RGPD2: variants seen among roughly 807,000 people sequenced by gnomAD.
The protein encoded by RGPD2 is RANBP2 like and GRIP domain containing 2, also known as RANBP2-like and GRIP domain-containing protein 2.
Under a neutral mutation model 36.0 loss-of-function variants are expected in RGPD2, and 2 were observed. That is an observed-to-expected ratio of 0.06 (90% confidence interval 0.02 to 0.17). The LOEUF is 0.17. Ranked by LOEUF, RGPD2 falls within the 10% of genes least tolerant of loss-of-function variation. RGPD2 has a pLI of 1.00. For synonymous variants in RGPD2, 19 were observed against 163.8 expected (o/e 0.12, Z 6.75); for missense variants, 40 against 464.3 (o/e 0.09, Z 8.40).
the RGPD2 span, among the ~76,000 whole-genome samples, chr2:87,856,766 C>G: frequency 1.3e-5 from 2 of 152,164 alleles, no homozygotes; most frequent in Non-Finnish European, 2.9e-5. Flanking sequence ...TACCAGATAG[C>G]TATGTATACT....
the RGPD2 span, among the ~76,000 whole-genome samples, chr2:87,880,349 C>T: frequency 6.9e-6 from 1 of 143,980 alleles, no homozygotes; most frequent in Admixed American, 6.9e-5. Context: ...GTTTTTGTTG[C>T]TCAAACTTTT....
the RGPD2 span, chr2:87,972,654 G>T: frequency 1.4e-6 from 2 of 1,460,288 alleles, no homozygotes; most frequent in Middle Eastern, 4.8e-4. Context: ...GTAGGTGGAG[G>T]TATGGCTCGG....
intron 22 of RGPD2, among the ~76,000 whole-genome samples, chr2:87,762,518 G>C (rs1684919026): frequency 7.5e-6 from 1 of 132,722 alleles, no homozygotes; most frequent in Admixed American, 7.2e-5. Flanking sequence ...TCCAGCCTGG[G>C]AAACAGCGAG....
intron 22 of RGPD2, among the ~76,000 whole-genome samples, chr2:87,763,281 C>T (rs1476936497): frequency 6.7e-6 from 1 of 148,740 alleles, no homozygotes; most frequent in African/African-American, 2.5e-5. Context: ...CCTCAGCCTC[C>T]CTAGTAGCTG....
the RGPD2 span, among the ~76,000 whole-genome samples, chr2:87,857,579 T>G: frequency 7.0e-6 from 1 of 141,874 alleles, no homozygotes; most frequent in African/African-American, 2.6e-5. Context: ...CCTGACCTTG[T>G]GATCCGCCCG....
chr2:87,864,374 C>G, the RGPD2 span, among the ~76,000 whole-genome samples: 1 of 152,268 alleles, frequency 6.6e-6, no homozygotes, highest in Admixed American at 6.5e-5. Context: ...AGTGGTTCCT[C>G]TGGTCACTGG....
the RGPD2 span, among the ~76,000 whole-genome samples, chr2:87,939,414 A>T: frequency 8.6e-5 from 13 of 151,998 alleles, no homozygotes; most frequent in East Asian, 1.9e-4. Context: ...GAAGTGTCTT[A>T]TTGTTTGCAA....
chr2:87,830,348 A>T (rs1258664257), upstream of RGPD2, among the ~76,000 whole-genome samples: 5 of 152,362 alleles, frequency 3.3e-5, no homozygotes, highest in African/African-American at 1.2e-4. Context: ...GATTCCCAGC[A>T]AGATCACCAT....
the RGPD2 span, among the ~76,000 whole-genome samples, chr2:87,970,027 C>T: frequency 4.5e-3 from 677 of 151,746 alleles, 13 homozygotes; most frequent in African/African-American, 0.013. Context: ...AGTTGTCATA[C>T]CAGTATTAAT....
the RGPD2 span, among the ~76,000 whole-genome samples, chr2:87,871,418 AT>A: frequency 1.5e-3 from 175 of 114,918 alleles, no homozygotes; most frequent in Non-Finnish European, 2.3e-3. Flanking sequence ...ATCACCCAGG[AT>A]TTCTCCCTGC....
chr2:87,985,920 A>C, the RGPD2 span: 2 of 1,564,754 alleles, frequency 1.3e-6, no homozygotes, highest in Non-Finnish European at 1.7e-6. Context: ...TTGTACTATT[A>C]AAAGCAAAGA....
chr2:87,857,255 C>T, the RGPD2 span, among the ~76,000 whole-genome samples: 4 of 152,158 alleles, frequency 2.6e-5, no homozygotes, highest in African/African-American at 9.7e-5. Context: ...AAATTAATAT[C>T]CACTTTATAA....
At chr2:87,777,296 AAATT>A (rs1685287636) in intron 20 of RGPD2, among the ~76,000 whole-genome samples, 1 of 13,790 alleles carries the variant, frequency 7.3e-5, no homozygotes, top group Admixed American at 9.0e-4. Flanking sequence ...TAGCAGCTAT[AAATT>A]AATTGCTACT....
At chr2:87,929,424 C>G in the RGPD2 span, among the ~76,000 whole-genome samples, 3 of 146,318 alleles carry the variant, frequency 2.1e-5, no homozygotes, top group African/African-American at 7.7e-5. Flanking sequence ...TACTGTAGCT[C>G]TGTAGTGTTG....
chr2:87,957,237 G>GGGGC, the RGPD2 span, among the ~76,000 whole-genome samples: 14 of 7,502 alleles, frequency 1.9e-3, no homozygotes, highest in South Asian at 0.12. Flanking sequence ...CAAGGTCACT[G>GGGGC]GGGGGGGGCT....
At chr2:87,857,773 C>T in the RGPD2 span, among the ~76,000 whole-genome samples, 1 of 121,736 alleles carries the variant, frequency 8.2e-6, no homozygotes, top group Non-Finnish European at 1.6e-5. Context: ...CCCATCTCTA[C>T]TAAAAAAAAA....
chr2:87,882,894 A>G, the RGPD2 span, among the ~76,000 whole-genome samples: 1 of 151,938 alleles, frequency 6.6e-6, no homozygotes, highest in Admixed American at 6.6e-5. Flanking sequence ...GTTAATTGTT[A>G]GTGTGTAGCA....
chr2:87,879,928 C>T, the RGPD2 span, among the ~76,000 whole-genome samples: 1 of 40,902 alleles, frequency 2.4e-5, no homozygotes. Flanking sequence ...TGTACAATAC[C>T]ACCAAGAGTG....
the RGPD2 span, among the ~76,000 whole-genome samples, chr2:87,939,422 C>T: frequency 1.8e-3 from 272 of 152,056 alleles, no homozygotes; most frequent in Non-Finnish European, 3.3e-3. Flanking sequence ...TTATTGTTTG[C>T]AAGTCTTTAA....
Sources: allele counts gnomAD v4.1 joint callset (sites outside exome capture counted in the v4.1 genomes callset), GRCh38; gene constraint gnomAD v4.1.1; transcripts MANE v1.5; gene names NCBI Gene and HGNC (gene_info 2026-07-23, HGNC 2026-07-21).